The following HYAL4 variants were observed in gnomAD, a reference collection of about 807,000 sequenced individuals.
HYAL4 encodes hyaluronidase 4.
HYAL4 carries 37 observed loss-of-function variants against 35.2 expected under a neutral mutation model. The ratio of observed to expected loss-of-function variants is 1.05; its 90% CI spans 0.81 to 1.38. HYAL4 has a LOEUF of 1.38. HYAL4 is among the 40% of genes most tolerant of loss of function. The pLI is 0.00. For missense variants in HYAL4, 572 were observed against 572.4 expected (o/e 1.00, Z 0.01); for synonymous variants, 198 against 203.2 (o/e 0.97, Z 0.22).
chr7:123,802,977 C>T, the HYAL4 span, among the ~76,000 whole-genome samples: 1 of 152,222 alleles, frequency 6.6e-6, no homozygotes, highest in African/African-American at 2.4e-5. Context: ...TTTACTACAA[C>T]TCTAAATCTG....
chr7:123,876,603 C>T (rs1807031237), intron 4 of HYAL4, 151 bp from the exon 5 acceptor site: 17 of 816,900 alleles, frequency 2.1e-5, no homozygotes, highest in Non-Finnish European at 3.2e-5. Flanking sequence ...AGTTCAACAA[C>T]TGAACCAAGC....
At chr7:123,783,608 G>A in the HYAL4 span, among the ~76,000 whole-genome samples, 3 of 152,106 alleles carry the variant, frequency 2.0e-5, no homozygotes, top group African/African-American at 7.2e-5. Context: ...GTATTTTCAG[G>A]CCAAGAGAGT....
rs977063745 is a variant in HYAL4, at chr7:123,854,949, T to G, written c.-52+6791T>G. Among the ~76,000 whole-genome samples the G allele has an allele frequency of 2.6e-5, 4 of 152,214 alleles. No homozygotes were observed. In the East Asian group the frequency reaches 5.8e-4, roughly 22 times the overall value. On this transcript the variant is annotated intron_variant, in intron 2 of 4. Transcript: ENST00000223026. ...ATTTAGGACAGTTAGCTCTTCTTGT[T>G]GAATTGATCCCTTTACCATTATGTA...
the HYAL4 span, among the ~76,000 whole-genome samples, chr7:123,803,444 A>G: frequency 6.6e-6 from 1 of 152,198 alleles, no homozygotes; most frequent in African/African-American, 2.4e-5. Context: ...TGGCTTCAGC[A>G]AAGTTGCCTT....
the HYAL4 span, among the ~76,000 whole-genome samples, chr7:123,822,588 T>G: frequency 6.6e-6 from 1 of 152,210 alleles, no homozygotes. Flanking sequence ...GCAGCAAGAA[T>G]AATTTTAAAT....
intron 3 of HYAL4, among the ~76,000 whole-genome samples, chr7:123,872,646 T>C (rs1806914677): frequency 6.6e-6 from 1 of 152,194 alleles, no homozygotes; most frequent in Non-Finnish European, 1.5e-5. Context: ...GTTCCTTCTT[T>C]TTTCTGTAAT....
chr7:123,788,576 T>C, the HYAL4 span, among the ~76,000 whole-genome samples: 1 of 152,224 alleles, frequency 6.6e-6, no homozygotes, highest in African/African-American at 2.4e-5. Context: ...ACTGTGTCTC[T>C]TCACATATTG....
the HYAL4 span, among the ~76,000 whole-genome samples, chr7:123,815,528 A>G: frequency 6.6e-6 from 1 of 152,198 alleles, no homozygotes; most frequent in Non-Finnish European, 1.5e-5. Flanking sequence ...TTAACAGTCA[A>G]CAATGCAATC....
At chr7:123,765,510 T>C in the HYAL4 span, among the ~76,000 whole-genome samples, 36 of 152,198 alleles carry the variant, frequency 2.4e-4, no homozygotes, top group Non-Finnish European at 4.9e-4. Flanking sequence ...ACTCTAATAA[T>C]CTGACCTTAA....
At chr7:123,855,693 G>A (rs1410230247) in intron 2 of HYAL4, among the ~76,000 whole-genome samples, 12 of 151,970 alleles carry the variant, frequency 7.9e-5, no homozygotes, top group East Asian at 3.9e-4. Context: ...TGCTCTTCTC[G>A]AGGAGTATCT....
chr7:123,823,717 CACATATATATTTTATATATATATATAT>C, the HYAL4 span, among the ~76,000 whole-genome samples: 1 of 120,964 alleles, frequency 8.3e-6, no homozygotes. Context: ...TATATATATA[CACATATATATTTTATATATATATATAT>C]ACACACACAC....
intron 1 of HYAL4, among the ~76,000 whole-genome samples, chr7:123,833,632 G>A (rs1805917975): frequency 6.6e-6 from 1 of 151,854 alleles, no homozygotes; most frequent in Non-Finnish European, 1.5e-5. Context: ...TTGCTTTTGA[G>A]TTCTTGGTCA....
chr7:123,821,987 C>T, the HYAL4 span, among the ~76,000 whole-genome samples: 2 of 152,152 alleles, frequency 1.3e-5, no homozygotes, highest in African/African-American at 4.8e-5. Context: ...ACTCTCTATT[C>T]TGTTCCTGTG....
the HYAL4 span, among the ~76,000 whole-genome samples, chr7:123,822,459 G>A: frequency 6.6e-6 from 1 of 151,996 alleles, no homozygotes; most frequent in African/African-American, 2.4e-5. Flanking sequence ...ATTAATAGAT[G>A]GAAATTCAAC....
the HYAL4 span, among the ~76,000 whole-genome samples, chr7:123,808,353 C>T: frequency 1.3e-5 from 2 of 151,602 alleles, no homozygotes; most frequent in East Asian, 1.9e-4. Flanking sequence ...ATGAAATTCC[C>T]GGTTGCATAG....
chr7:123,841,522 G>A (rs1806065290), upstream of HYAL4, among the ~76,000 whole-genome samples: 1 of 152,020 alleles, frequency 6.6e-6, no homozygotes, highest in Admixed American at 6.6e-5. Flanking sequence ...GAGTTAGAGA[G>A]GATTCCCTCT....
chr7:123,865,922 A>G (rs574473463), intron 2 of HYAL4, among the ~76,000 whole-genome samples: 6 of 152,270 alleles, frequency 3.9e-5, no homozygotes, highest in African/African-American at 1.2e-4. Flanking sequence ...GAGGAGCAAA[A>G]TCACATCTTA....
At chr7:123,875,477 A>C (rs1806987901) in intron 4 of HYAL4, among the ~76,000 whole-genome samples, 1 of 151,970 alleles carries the variant, frequency 6.6e-6, no homozygotes, top group South Asian at 2.1e-4. Context: ...ACTGACATGA[A>C]GAAAGCCAGT....
At chr7:123,864,032 G>A (rs978262324) in intron 2 of HYAL4, among the ~76,000 whole-genome samples, 1 of 152,172 alleles carries the variant, frequency 6.6e-6, no homozygotes, top group African/African-American at 2.4e-5. Context: ...GGAAGGGGCA[G>A]TGATGAGGTG....
Sources: allele counts gnomAD v4.1 joint callset (sites outside exome capture counted in the v4.1 genomes callset), GRCh38; gene constraint gnomAD v4.1.1; transcripts MANE v1.5; gene names NCBI Gene and HGNC (gene_info 2026-07-23, HGNC 2026-07-21).